MAP2K4: variants seen among roughly 807,000 people sequenced by gnomAD.
The protein encoded by MAP2K4 is mitogen-activated protein kinase kinase 4.
Under a neutral mutation model 48.5 loss-of-function variants are expected in MAP2K4, and 4 were observed. The ratio of observed to expected loss-of-function variants is 0.08; its 90% CI spans 0.04 to 0.19. The LOEUF is 0.19. Ranked by LOEUF, MAP2K4 falls within the 10% of genes least tolerant of loss-of-function variation. The probability of loss-of-function intolerance (pLI) is 1.00; values close to 1 mark genes in which losing one functional copy is unlikely to be tolerated. For synonymous variants in MAP2K4, 166 were observed against 173.1 expected (o/e 0.96, Z 0.32); for missense variants, 258 against 493.3 (o/e 0.52, Z 4.52).
At chr17:12,105,831 G>T (rs1972092383) in intron 4 of MAP2K4, among the ~76,000 whole-genome samples, 2 of 151,840 alleles carry the variant, frequency 1.3e-5, no homozygotes, top group Non-Finnish European at 2.9e-5. Flanking sequence ...TCAGTTCTCG[G>T]TTTACTTGTT....
At chr17:12,037,204 A>G (rs1969629596) in intron 1 of MAP2K4, among the ~76,000 whole-genome samples, 1 of 152,136 alleles carries the variant, frequency 6.6e-6, no homozygotes. Context: ...AAAAGGAGGC[A>G]TCCTGGAGAC....
chr17:12,128,252 T>C (rs1408832522), intron 8 of MAP2K4, among the ~76,000 whole-genome samples: 1 of 152,110 alleles, frequency 6.6e-6, no homozygotes, highest in African/African-American at 2.4e-5. Flanking sequence ...TAATTTTTTG[T>C]ATTTTTAGTA....
intron 1 of MAP2K4, among the ~76,000 whole-genome samples, chr17:12,030,448 T>G (rs1224430642): frequency 6.6e-6 from 1 of 152,194 alleles, no homozygotes. Flanking sequence ...TTTGAACATT[T>G]TAATCCCCTT....
chr17:12,112,748 C>T (rs1029534818), intron 6 of MAP2K4, among the ~76,000 whole-genome samples: 4 of 152,026 alleles, frequency 2.6e-5, no homozygotes, highest in African/African-American at 9.7e-5. Flanking sequence ...TTTGACATTC[C>T]TTATATTTTG....
chr17:12,098,161 T>C (rs1971821273), intron 4 of MAP2K4, among the ~76,000 whole-genome samples: 1 of 152,156 alleles, frequency 6.6e-6, no homozygotes. Context: ...AGTAAAAGTG[T>C]ATTTCCCGAA....
At chr17:12,038,642 G>A (rs1191641859) in intron 1 of MAP2K4, among the ~76,000 whole-genome samples, 1 of 152,156 alleles carries the variant, frequency 6.6e-6, no homozygotes, top group Non-Finnish European at 1.5e-5. Flanking sequence ...TAGGAGCTAT[G>A]TGGTAGAAAT....
At chr17:12,039,687 A>C (rs899004023) in intron 1 of MAP2K4, among the ~76,000 whole-genome samples, 1 of 152,170 alleles carries the variant, frequency 6.6e-6, no homozygotes, top group Admixed American at 6.5e-5. Flanking sequence ...ACATTTCCCC[A>C]AAAGCCTTGT....
chr17:12,039,277 T>C (rs764222467), intron 1 of MAP2K4, among the ~76,000 whole-genome samples: 5 of 152,224 alleles, frequency 3.3e-5, no homozygotes, highest in Non-Finnish European at 5.9e-5. Context: ...GAGGACAGAC[T>C]GTGTACAGAC....
chr17:12,029,689 A>G (rs1354899924), intron 1 of MAP2K4, among the ~76,000 whole-genome samples: 1 of 152,154 alleles, frequency 6.6e-6, no homozygotes, highest in African/African-American at 2.4e-5. Context: ...CTATAATCCC[A>G]TAACTTTGGG....
At chr17:12,043,911 G>A (rs543198687) in intron 1 of MAP2K4, among the ~76,000 whole-genome samples, 2 of 152,220 alleles carry the variant, frequency 1.3e-5, no homozygotes, top group South Asian at 2.1e-4. Flanking sequence ...TCCTGGAGGT[G>A]TGTGTATGGG....
intron 2 of MAP2K4, chr17:12,069,514 T>C (rs745752553): frequency 7.7e-5 from 12 of 156,804 alleles, no homozygotes; most frequent in Non-Finnish European, 1.3e-4. Flanking sequence ...TCAGTACTAC[T>C]TCAGAATACT....
At chr17:12,111,456 G>A (rs1359419006) in intron 6 of MAP2K4, among the ~76,000 whole-genome samples, 1 of 149,406 alleles carries the variant, frequency 6.7e-6, no homozygotes, top group Non-Finnish European at 1.5e-5. Context: ...TGTTTCTCTT[G>A]TATTTCTTCT....
intron 9 of MAP2K4, among the ~76,000 whole-genome samples, chr17:12,136,860 G>A (rs1431157017): frequency 3.3e-5 from 5 of 152,134 alleles, no homozygotes; most frequent in Non-Finnish European, 7.4e-5. Context: ...ACAGAATGCT[G>A]TGTAGATCTG....
chr17:12,049,044 C>A (rs568746739), intron 1 of MAP2K4, among the ~76,000 whole-genome samples: 144 of 152,234 alleles, frequency 9.5e-4, no homozygotes, highest in African/African-American at 3.4e-3. Context: ...AAAGTAAGTT[C>A]TTTACTACCA....
At chr17:12,056,157 C>G (rs142003294) in intron 2 of MAP2K4, among the ~76,000 whole-genome samples, 5 of 152,216 alleles carry the variant, frequency 3.3e-5, no homozygotes, top group African/African-American at 1.2e-4. Context: ...ACATAGCCCC[C>G]TTCTGTTACC....
chr17:12,095,593 G>A lies in MAP2K4; in HGVS notation c.412G>A (p.Asp138Asn), dbSNP rs1444656785. The A allele has an allele frequency of 6.2e-7, 1 of 1,613,790 alleles. No homozygotes were observed. Among genetic ancestry groups the A allele is most frequent in the Non-Finnish European group, 8.5e-7 (1 of 1,179,922 alleles). Residue 138 changes from aspartate (D) to asparagine (N), a missense_variant, in exon 4 of 11, where the codon GAT becomes AAT. By Grantham distance (23) the Asp-to-Asn change is conservative. Transcript: ENST00000353533. ...TTTCCAGAGAATTCGGTCAACAGTG[G>A]ATGAAAAAGAACAAAAACAACTTCT... ...MAVKRIRSTV[D>N]EKEQKQLLMD...
rs542425323 is a variant in MAP2K4 at position 12,028,437 on chromosome 17, A to C, written c.115+7436A>C. Among the ~76,000 whole-genome samples the C allele has an allele frequency of 2.8e-4, 42 of 152,344 alleles. 1 individual carries two copies. Among genetic ancestry groups the C allele is most frequent in the African/African-American group, 9.9e-4 (41 of 41,572 alleles). On this transcript the variant is annotated intron_variant, in intron 1 of 10. Transcript: ENST00000353533. The stretch of plus-strand genomic sequence containing the variant: ...AAAGAAATAAACCATCAGGAAATAA[A>C]TCTTGGGGAACTTGCTCTGAGTACA...
intron 2 of MAP2K4, among the ~76,000 whole-genome samples, chr17:12,059,876 T>C (rs770077610): frequency 6.6e-6 from 1 of 152,238 alleles, no homozygotes; most frequent in African/African-American, 2.4e-5. Context: ...TAAACGTTGC[T>C]GTCTTAGAAT....
chr17:12,060,480 G>A (rs1219109924), intron 2 of MAP2K4, among the ~76,000 whole-genome samples: 7 of 152,174 alleles, frequency 4.6e-5, no homozygotes, highest in African/African-American at 9.7e-5. Context: ...GTTTTGTAGC[G>A]TTGTCTGCCT....
Sources: gnomAD v4.1 joint callset for allele counts (sites outside exome capture counted in the v4.1 genomes callset) on GRCh38, gnomAD v4.1.1 for gene constraint, MANE v1.5 for transcripts, NCBI Gene and HGNC (gene_info 2026-07-23, HGNC 2026-07-21) for gene names.